The following TNKS1BP1 variants were observed in gnomAD, a reference collection of about 807,000 sequenced individuals.
TNKS1BP1 encodes 182 kDa tankyrase-1-binding protein.
TNKS1BP1 carries 48 observed loss-of-function variants against 141.1 expected under a neutral mutation model. The ratio of observed to expected loss-of-function variants is 0.34; its 90% CI spans 0.27 to 0.43. The LOEUF (loss-of-function observed/expected upper bound fraction) is 0.43, where lower values mean the gene tolerates loss of function less well. Among genes scored for constraint, TNKS1BP1 ranks in the 20% least tolerant of loss-of-function variants. The pLI is 1.00. For missense variants in TNKS1BP1, 2,149 were observed against 2,226.0 expected, an observed-to-expected ratio of 0.97 and a Z score of 0.70; for synonymous variants, 875 against 898.2, an observed-to-expected ratio of 0.97 and a Z score of 0.46.
Position 57,313,204 on chromosome 11 carries a change from G to C in TNKS1BP1, c.1484C>G (p.Pro495Arg), listed in dbSNP as rs139341844. 2.5e-6 allele frequency: 4 copies of C among 1,612,266 alleles called. No individual in the cohort carries two copies. In the Admixed American group the frequency reaches 6.7e-5, roughly 27 times the overall value. The change falls in exon 5 of 12, where the codon CCG (proline) becomes CGG (arginine). Residue 495 changes from proline to arginine, a missense_variant. By Grantham distance (103) the Pro-to-Arg change is moderately radical. Transcript: ENST00000358252. The part of the protein sequence containing the change: ...SGLGVWRLDS[P>R]PPSPITEASE... ...GGCTTCAGTGATGGGGGAGGGAGGCGGGGAGTCCAGCCGCCACACGCCCAG... is the reference window on the plus strand; with the variant it reads ...GGCTTCAGTGATGGGGGAGGGAGGCCGGGAGTCCAGCCGCCACACGCCCAG...
intron 3 of TNKS1BP1, 59 bp downstream of exon 3, chr11:57,320,020 C>CCCCCAG: frequency 8.2e-7 from 1 of 1,213,902 alleles, no homozygotes; most frequent in Non-Finnish European, 1.2e-6. Flanking sequence ...AGCCCCCACC[C>CCCCCAG]AATCCCACCC....
intron 5 of TNKS1BP1, among the ~76,000 whole-genome samples, chr11:57,312,164 T>C (rs1855722773): frequency 1.3e-5 from 2 of 152,138 alleles, no homozygotes; most frequent in South Asian, 2.1e-4. Context: ...ATTCCCATAA[T>C]GAGAGACTGA....
Position 57,310,001 on chromosome 11 carries a change from C to T in TNKS1BP1, c.2710G>A (p.Glu904Lys), listed in dbSNP as rs747617810. The T allele has an allele frequency of 2.3e-5, 37 of 1,613,986 alleles. No homozygotes were observed. Among genetic ancestry groups the T allele is most frequent in the African/African-American group, 4.0e-5 (3 of 74,918 alleles). The part of the protein sequence containing the change: ...LGAYASQDAN[E>K]QGQDLGKRDH... Reference sequence around the variant, plus strand: ...CTCTTCCCCAAATCTTGGCCCTGCTCGTTGGCATCTTGGCTGGCATAAGCA... The same window carrying T: ...CTCTTCCCCAAATCTTGGCCCTGCTTGTTGGCATCTTGGCTGGCATAAGCA... Residue 904 changes from glutamate (E) to lysine (K), a missense_variant, in exon 6 of 12, where the codon GAG becomes AAG. Transcript: ENST00000358252.
At chr11:57,318,941 G>A (rs898660901) in intron 3 of TNKS1BP1, among the ~76,000 whole-genome samples, 2 of 151,908 alleles carry the variant, frequency 1.3e-5, no homozygotes, top group Admixed American at 6.5e-5. Flanking sequence ...TCAGGAGATC[G>A]AGACCATCCT....
chr11:57,321,713 C>CA, intron 2 of TNKS1BP1, 79 bp downstream of exon 2: 2 of 1,533,402 alleles, frequency 1.3e-6, no homozygotes, highest in Non-Finnish European at 1.8e-6. Context: ...AACCACCCCC[C>CA]AAGACAGAAA....
intron 2 of TNKS1BP1, among the ~76,000 whole-genome samples, chr11:57,321,460 C>A (rs1855885403): frequency 6.6e-6 from 1 of 152,148 alleles, no homozygotes; most frequent in South Asian, 2.1e-4. Context: ...ACACAAGGAG[C>A]CAGGAGGTCT....
rs1565043421 is a variant in TNKS1BP1, at chr11:57,313,133, T to C, written c.1555A>G (p.Ser519Gly). ...AAEAGNLAVS[S>G]REEGVSQQGQ... The stretch of plus-strand genomic sequence containing the variant: ...TGCTGAGACACTCCTTCTTCCCTGC[T>C]GGAAACGGCCAAGTTGCCAGCCTCA... The change falls in exon 5 of 12, where the codon AGC becomes GGC. Residue 519 changes from serine to glycine, a missense_variant. Coordinates refer to ENST00000358252, the MANE Select transcript of TNKS1BP1 (RefSeq NM_033396.3). 2 of 1,613,164 alleles carry C rather than the reference T, an allele frequency of 1.2e-6. No homozygotes were observed. The highest frequency in any genetic ancestry group is 1.7e-6 in the Non-Finnish European group (2 of 1,180,014).
intron 2 of TNKS1BP1, 48 bp downstream of exon 2, chr11:57,321,744 T>TGGCACCC: frequency 9.6e-7 from 1 of 1,039,814 alleles, no homozygotes; most frequent in Non-Finnish European, 1.5e-6. Context: ...CCTCTGTCCT[T>TGGCACCC]CCCACCCCCC....
At chr11:57,307,498 C>G (rs141920097) in intron 6 of TNKS1BP1, among the ~76,000 whole-genome samples, 1,665 of 152,136 alleles carry the variant, frequency 0.011, 29 homozygotes, top group African/African-American at 0.037. Flanking sequence ...CCAAGACCAC[C>G]ATGATATGCT....
chr11:57,315,143 C>T (rs1855778739), intron 4 of TNKS1BP1, among the ~76,000 whole-genome samples: 2 of 152,044 alleles, frequency 1.3e-5, no homozygotes, highest in South Asian at 4.1e-4. Flanking sequence ...GACTGTGCGA[C>T]CCATCCTCTC....
rs1367578089 is a variant in TNKS1BP1 at position 57,309,098 on chromosome 11, G to A, written c.3613C>T (p.Leu1205=). 2 of 1,614,084 alleles carry A rather than the reference G, an allele frequency of 1.2e-6. No homozygotes were observed. The highest frequency in any genetic ancestry group is 8.5e-7 in the Non-Finnish European group (1 of 1,180,024). The stretch of plus-strand genomic sequence containing the variant: ...CCTCCACTTTCCAAACAGCCGGTCA[G>A]GTTCATGTCTCTCAAGCTCAGGCCA... The part of the protein sequence containing the change: ...SGGLSLRDMN[L]TGCLESGGSE... The change falls in exon 6 of 12, where the codon CTG becomes TTG. Residue 1205 remains leucine, a synonymous_variant. Transcript: ENST00000358252. This position sits in a 1 kb window ranked among gnomAD's most constrained non-coding sequence, Gnocchi z 4.3.
At chr11:57,321,099 A>AT (rs1410294943) in intron 2 of TNKS1BP1, among the ~76,000 whole-genome samples, 1 of 152,074 alleles carries the variant, frequency 6.6e-6, no homozygotes, top group Non-Finnish European at 1.5e-5. Flanking sequence ...CAGCCCCCCC[A>AT]TATTCCCAAT....
intron 3 of TNKS1BP1, among the ~76,000 whole-genome samples, chr11:57,318,373 G>A (rs1330848347): frequency 6.6e-6 from 1 of 152,248 alleles, no homozygotes; most frequent in Non-Finnish European, 1.5e-5. Context: ...GAAGGAAGAT[G>A]GCGGGTGGAA....
intron 4 of TNKS1BP1, among the ~76,000 whole-genome samples, chr11:57,317,036 T>C (rs1303667791): frequency 6.6e-6 from 1 of 152,226 alleles, no homozygotes; most frequent in East Asian, 1.9e-4. Flanking sequence ...TTGTACTTGC[T>C]GTGCCCTCTA....
In TNKS1BP1 at chr11:57,309,789, G is replaced by A. The variant is rs780551131; in HGVS notation, c.2922C>T (p.Asp974=). The stretch of plus-strand genomic sequence containing the variant: ...TCAGGGGTCTCGTTCCAAAGCTTCT[G>A]TCCTGGGCGTCAAGGGTCCTGGAGC... ...GGSSRTLDAQ[D]RSFGTRPLSS... Residue 974 remains aspartate, a synonymous_variant, in exon 6 of 12, where the codon GAC becomes GAT. Transcript: ENST00000358252. The surrounding 1 kb of genome is among the most constrained non-coding windows in gnomAD (Gnocchi z 4.3). The A allele has an allele frequency of 1.9e-6, 3 of 1,614,058 alleles. No homozygotes were observed. Among genetic ancestry groups the A allele is most frequent in the African/African-American group, 2.7e-5 (2 of 74,918 alleles).
rs776313289 is a variant in TNKS1BP1 at position 57,309,511 on chromosome 11, C to T, written c.3200G>A (p.Gly1067Glu). ...GTCAGCACTGCCAGGGCCCTGAGCC[C>T]CTGCCTGCTGTCTCTCCTGATGCCC... ...VGGHQERQQA[G>E]AQGPGSADLE... Residue 1067 changes from glycine to glutamate, a missense_variant, in exon 6 of 12, where the codon GGG becomes GAG. Gly to Glu is a moderately conservative substitution (Grantham distance 98, BLOSUM62 -2). Coordinates refer to ENST00000358252, the MANE Select transcript of TNKS1BP1 (RefSeq NM_033396.3). The surrounding 1 kb of genome is among the most constrained non-coding windows in gnomAD (Gnocchi z 4.3). 13 of 1,613,782 alleles carry T rather than the reference C, an allele frequency of 8.1e-6. No individual in the cohort carries two copies. In the East Asian group the frequency reaches 2.5e-4, roughly 30 times the overall value.
Position 57,313,568 on chromosome 11 carries a change from C to T in TNKS1BP1, c.1120G>A (p.Val374Ile). Reference protein sequence around the residue: ...APRPSSPPPEVLEPHSLDQPP... With the variant: ...APRPSSPPPEILEPHSLDQPP... ...TGATCCAGGCTATGGGGCTCCAAGACCTCAGGGGGTGGGCTGCTGGGTCTG... is the reference window on the plus strand; with the variant it reads ...TGATCCAGGCTATGGGGCTCCAAGATCTCAGGGGGTGGGCTGCTGGGTCTG... The change falls in exon 5 of 12, where the codon GTC (valine) becomes ATC (isoleucine). Residue 374 changes from valine to isoleucine, a missense_variant. Coordinates refer to ENST00000358252, the MANE Select transcript of TNKS1BP1 (RefSeq NM_033396.3). 1 of 1,587,318 alleles carries T rather than the reference C, an allele frequency of 6.3e-7. No homozygotes were observed. Among genetic ancestry groups the T allele is most frequent in the Non-Finnish European group, 8.6e-7 (1 of 1,168,726 alleles).
At chr11:57,311,457 G>C in intron 5 of TNKS1BP1, 3 of 985,820 alleles carry the variant, frequency 3.0e-6, no homozygotes, top group Non-Finnish European at 3.6e-6. Context: ...GGACCTGTCC[G>C]ACGGCTCTGG....
rs745485285 is a variant in TNKS1BP1 at position 57,320,202 on chromosome 11, T to A, written c.605A>T (p.Tyr202Phe). 1.2e-5 allele frequency: 19 copies of A among 1,614,180 alleles called. No homozygotes were observed. Among genetic ancestry groups the A allele is most frequent in the Non-Finnish European group, 1.5e-5 (18 of 1,180,042 alleles). Residue 202 changes from tyrosine to phenylalanine, a missense_variant, in exon 3 of 12, where the codon TAT becomes TTT. By Grantham distance (22) the Tyr-to-Phe change is conservative. Transcript: ENST00000358252. ...ATCCCTGGGAGCAGTGGTCGTGCCA[T>A]AGGTCCTGGGGCCATATCGCGAGCT... ...DGSSRYGPRTYGTTTAPRDED... is the reference protein window; with the variant it reads ...DGSSRYGPRTFGTTTAPRDED...
Sources: allele counts gnomAD v4.1 joint callset (sites outside exome capture counted in the v4.1 genomes callset), GRCh38; gene constraint gnomAD v4.1.1; non-coding constraint Gnocchi (gnomAD v3.1); transcripts MANE v1.5; gene names NCBI Gene and HGNC (gene_info 2026-07-23, HGNC 2026-07-21).